Variants in TBC1D22A observed in about 807,000 individuals in gnomAD.
TBC1D22A encodes putative GTPase activator.
In TBC1D22A, 38 loss-of-function variants were observed where a neutral mutation model predicts 60.2. The observed-to-expected ratio is 0.63, with a 90% confidence interval of 0.49 to 0.83. The LOEUF (loss-of-function observed/expected upper bound fraction) is 0.83. Ranked by LOEUF, TBC1D22A falls within the 40% of genes least tolerant of loss-of-function variation. The pLI, the probability that TBC1D22A is intolerant of heterozygous loss-of-function variation, is 0.00. For missense variants in TBC1D22A, 628 were observed against 701.0 expected, an observed-to-expected ratio of 0.90 and a Z score of 1.18; for synonymous variants, 302 against 281.7, an observed-to-expected ratio of 1.07 and a Z score of -0.72.
At chr22:47,006,233 C>T (rs1437118824) in intron 10 of TBC1D22A, among the ~76,000 whole-genome samples, 4 of 152,152 alleles carry the variant, frequency 2.6e-5, no homozygotes, top group South Asian at 2.1e-4. Context: ...TTGTTGGTGG[C>T]CAAGGACTTC....
chr22:46,824,900 C>CA (rs2085982996), intron 4 of TBC1D22A, among the ~76,000 whole-genome samples: 1 of 151,954 alleles, frequency 6.6e-6, no homozygotes, highest in Admixed American at 6.6e-5. Context: ...TGCCCTGAGC[C>CA]ATCAGTCAGG....
chr22:47,106,266 G>C (rs146115815), intron 11 of TBC1D22A, among the ~76,000 whole-genome samples: 527 of 152,326 alleles, frequency 3.5e-3, no homozygotes, highest in African/African-American at 0.012. Context: ...TTTGATAGGA[G>C]ATAATGGATG....
chr22:47,093,320 C>T (rs2065051222), intron 11 of TBC1D22A, among the ~76,000 whole-genome samples: 1 of 152,182 alleles, frequency 6.6e-6, no homozygotes, highest in Non-Finnish European at 1.5e-5. Context: ...GATCTCTCCT[C>T]AGGCCCTTGC....
chr22:47,107,875 A>G (rs951766639), intron 11 of TBC1D22A, among the ~76,000 whole-genome samples: 14 of 152,248 alleles, frequency 9.2e-5, no homozygotes, highest in Admixed American at 3.3e-4. Context: ...ATATACAAAA[A>G]TTAACTCAAA....
chr22:46,949,270 G>A (rs965283560), intron 8 of TBC1D22A, among the ~76,000 whole-genome samples: 1 of 152,234 alleles, frequency 6.6e-6, no homozygotes, highest in Non-Finnish European at 1.5e-5. Context: ...GGTCACACTC[G>A]TGTGGTTCAG....
At chr22:47,037,344 T>C in intron 11 of TBC1D22A, 146 bp downstream of exon 11, 1 of 1,222,524 alleles carries the variant, frequency 8.2e-7, no homozygotes, top group Non-Finnish European at 1.1e-6. Flanking sequence ...AAAAGTATAC[T>C]CCTGGCCGGG....
chr22:46,884,531 GCTGCTGGCC>G (rs1217662078), intron 5 of TBC1D22A, among the ~76,000 whole-genome samples: 1 of 152,182 alleles, frequency 6.6e-6, no homozygotes, highest in Non-Finnish European at 1.5e-5. Context: ...TGGAAAGGCG[GCTGCTGGCC>G]CTGCACAGAC....
intron 11 of TBC1D22A, among the ~76,000 whole-genome samples, chr22:47,064,443 A>G (rs2063688670): frequency 6.6e-6 from 1 of 152,260 alleles, no homozygotes; most frequent in Non-Finnish European, 1.5e-5. Context: ...GGGAGGATTA[A>G]CTGGTTCAGT....
At chr22:47,056,866 A>C (rs2063409674) in intron 11 of TBC1D22A, among the ~76,000 whole-genome samples, 2 of 152,152 alleles carry the variant, frequency 1.3e-5, no homozygotes, top group Admixed American at 1.3e-4. Context: ...AGCTGCAGGG[A>C]CAGACACAGA....
intron 7 of TBC1D22A, among the ~76,000 whole-genome samples, chr22:46,907,873 G>A (rs2069603366): frequency 6.6e-6 from 1 of 152,182 alleles, no homozygotes; most frequent in African/African-American, 2.4e-5. Context: ...CTAAGACTTG[G>A]GTGGAACATC....
At chr22:46,896,014 G>A (rs139336483) in intron 7 of TBC1D22A, among the ~76,000 whole-genome samples, 70 of 152,220 alleles carry the variant, frequency 4.6e-4, no homozygotes, top group African/African-American at 1.6e-3. Flanking sequence ...TCCGCACGCC[G>A]CACATCCTTG....
At chr22:46,815,001 T>A (rs1402743426) in intron 4 of TBC1D22A, among the ~76,000 whole-genome samples, 1 of 152,216 alleles carries the variant, frequency 6.6e-6, no homozygotes, top group Non-Finnish European at 1.5e-5. Flanking sequence ...ACTAACTTTC[T>A]TTGAAAACAT....
At chr22:46,881,920 G>A (rs2067870985) in intron 5 of TBC1D22A, among the ~76,000 whole-genome samples, 1 of 152,208 alleles carries the variant, frequency 6.6e-6, no homozygotes, top group Admixed American at 6.5e-5. Flanking sequence ...TGGGAGCACA[G>A]TGCACAATGC....
At chr22:46,969,199 G>C (rs1313206262) in intron 8 of TBC1D22A, among the ~76,000 whole-genome samples, 7 of 152,214 alleles carry the variant, frequency 4.6e-5, no homozygotes, top group Non-Finnish European at 1.0e-4. Flanking sequence ...ACTGTTCTAA[G>C]TGGCTTAAAC....
intron 3 of TBC1D22A, among the ~76,000 whole-genome samples, chr22:46,795,321 G>A (rs970883567): frequency 1.3e-5 from 2 of 152,222 alleles, no homozygotes; most frequent in Non-Finnish European, 2.9e-5. Context: ...TCTCAGCACC[G>A]TGCCCCCTAC....
intron 1 of TBC1D22A, among the ~76,000 whole-genome samples, chr22:46,767,831 A>G (rs1244163645): frequency 1.3e-5 from 2 of 151,972 alleles, no homozygotes; most frequent in South Asian, 4.2e-4. Context: ...GTGCTTGAGG[A>G]GAGGAGCTGG....
At chr22:46,965,736 T>A (rs2013427979) in intron 8 of TBC1D22A, among the ~76,000 whole-genome samples, 2 of 152,214 alleles carry the variant, frequency 1.3e-5, no homozygotes, top group South Asian at 4.1e-4. Flanking sequence ...CCTCATCCCG[T>A]CCCTGTGGCC....
intron 11 of TBC1D22A, among the ~76,000 whole-genome samples, chr22:47,088,669 T>TG (rs1315313357): frequency 6.6e-6 from 1 of 152,146 alleles, no homozygotes; most frequent in African/African-American, 2.4e-5. Context: ...GTGAAAGAAT[T>TG]GCAGTGTCAC....
intron 11 of TBC1D22A, among the ~76,000 whole-genome samples, chr22:47,049,366 A>G: frequency 6.6e-6 from 1 of 152,264 alleles, no homozygotes. Context: ...CGTCCACATC[A>G]GGGTCCCCCT....
Sources: allele counts gnomAD v4.1 joint callset (sites outside exome capture counted in the v4.1 genomes callset), GRCh38; gene constraint gnomAD v4.1.1; transcripts MANE v1.5; gene names NCBI Gene and HGNC (gene_info 2026-07-23, HGNC 2026-07-21).